EYA1: variants seen among roughly 807,000 people sequenced by gnomAD.
EYA1 encodes EYA transcriptional coactivator and phosphatase 1.
Under a neutral mutation model 82.0 loss-of-function variants are expected in EYA1, and 16 were observed. That is an observed-to-expected ratio of 0.20 (90% CI 0.13 to 0.30). The LOEUF is 0.30. Ranked by LOEUF, EYA1 falls within the 10% of genes least tolerant of loss-of-function variation. The pLI, the probability that EYA1 is intolerant of heterozygous loss-of-function variation, is 1.00. For missense variants in EYA1, 633 were observed against 730.7 expected (o/e 0.87, Z 1.54); for synonymous variants, 261 against 264.4 (o/e 0.99, Z 0.12).
At chr8:71,290,930 T>C (rs1398333735) in intron 9 of EYA1, among the ~76,000 whole-genome samples, 1 of 152,220 alleles carries the variant, frequency 6.6e-6, no homozygotes. Flanking sequence ...ATATTTGTTT[T>C]GCCGACAAAT....
chr8:71,447,161 C>CT (rs1249755537), intron 2 of EYA1, among the ~76,000 whole-genome samples: 1 of 151,668 alleles, frequency 6.6e-6, no homozygotes, highest in African/African-American at 2.4e-5. Context: ...CAATAACTCT[C>CT]TTTATCTTTT....
chr8:71,226,231 A>T (rs1160142294), intron 12 of EYA1, among the ~76,000 whole-genome samples: 3 of 152,172 alleles, frequency 2.0e-5, no homozygotes, highest in African/African-American at 7.2e-5. Context: ...ATATTTTCTT[A>T]TAATATTAAT....
At chr8:71,308,789 C>T (rs1271953523) in intron 7 of EYA1, among the ~76,000 whole-genome samples, 2 of 150,194 alleles carry the variant, frequency 1.3e-5, no homozygotes, top group Admixed American at 6.7e-5. Flanking sequence ...ACATTAAAAA[C>T]CAGAATCCCA....
chr8:71,417,844 T>C (rs1022824045), intron 2 of EYA1, among the ~76,000 whole-genome samples: 6 of 152,216 alleles, frequency 3.9e-5, no homozygotes, highest in Non-Finnish European at 8.8e-5. Context: ...ATAACTCAAA[T>C]TCCACTCTTC....
intron 2 of EYA1, among the ~76,000 whole-genome samples, chr8:71,534,500 T>G (rs1349688506): frequency 6.6e-6 from 1 of 152,222 alleles, no homozygotes; most frequent in African/African-American, 2.4e-5. Flanking sequence ...GTTATTAAAA[T>G]TCCCATCCAA....
At chr8:71,227,074 T>C (rs13265957) in intron 12 of EYA1, among the ~76,000 whole-genome samples, 52,916 of 151,918 alleles carry the variant, frequency 0.35, 9,545 homozygotes, top group Middle Eastern at 0.43. Flanking sequence ...TTTAAAATGG[T>C]ATATAACAAA....
At chr8:71,288,737 A>T (rs961341540) in intron 9 of EYA1, among the ~76,000 whole-genome samples, 3 of 152,250 alleles carry the variant, frequency 2.0e-5, no homozygotes, top group African/African-American at 7.2e-5. Context: ...AAACCAATTC[A>T]TGCTTACCTA....
At chr8:71,434,346 A>G (rs1805847189) in intron 2 of EYA1, among the ~76,000 whole-genome samples, 1 of 152,210 alleles carries the variant, frequency 6.6e-6, no homozygotes, top group African/African-American at 2.4e-5. Flanking sequence ...TTGATAGAAT[A>G]AAGTATCTCA....
intron 2 of EYA1, among the ~76,000 whole-genome samples, chr8:71,463,632 T>TCTCC (rs1563640259): frequency 1.2e-4 from 4 of 32,478 alleles, no homozygotes; most frequent in Admixed American, 7.8e-4. Flanking sequence ...TCTCTCTCTC[T>TCTCC]CCCTCCCTCC....
intron 16 of EYA1, among the ~76,000 whole-genome samples, chr8:71,214,513 A>G (rs1198679632): frequency 1.3e-5 from 2 of 152,206 alleles, no homozygotes; most frequent in East Asian, 1.9e-4. Flanking sequence ...ATGCTTCCTC[A>G]GTCATGTGCA....
chr8:71,436,580 C>T (rs956543347), intron 2 of EYA1, among the ~76,000 whole-genome samples: 7 of 152,214 alleles, frequency 4.6e-5, no homozygotes, highest in East Asian at 1.9e-4. Flanking sequence ...ACATCTGCAG[C>T]GGACTGCGCC....
chr8:71,522,592 T>A (rs1364819574), intron 2 of EYA1, among the ~76,000 whole-genome samples: 1 of 151,880 alleles, frequency 6.6e-6, no homozygotes, highest in Non-Finnish European at 1.5e-5. Flanking sequence ...ATATATGATG[T>A]ATGGAAAATT....
intron 4 of EYA1, 77 bp downstream of exon 4, chr8:71,334,020 C>A (rs771905346): frequency 2.1e-6 from 2 of 950,262 alleles, no homozygotes; most frequent in Non-Finnish European, 3.5e-6. Flanking sequence ...TATACATATA[C>A]ATACACAGGG....
At chr8:71,510,442 TA>T (rs1381579862) in intron 2 of EYA1, among the ~76,000 whole-genome samples, 1 of 152,128 alleles carries the variant, frequency 6.6e-6, no homozygotes, top group Non-Finnish European at 1.5e-5. Context: ...GGGTAATTTA[TA>T]AAGAAAAGAG....
intron 2 of EYA1, among the ~76,000 whole-genome samples, chr8:71,481,809 T>C (rs565014809): frequency 9.9e-5 from 15 of 152,160 alleles, no homozygotes; most frequent in African/African-American, 3.1e-4. Context: ...GGAATTTAAC[T>C]TCTGATGGAG....
intron 2 of EYA1, among the ~76,000 whole-genome samples, chr8:71,376,564 G>A (rs1828383173): frequency 6.6e-6 from 1 of 152,148 alleles, no homozygotes; most frequent in Non-Finnish European, 1.5e-5. Context: ...TGAAAGGAGT[G>A]TAATCTGACC....
At chr8:71,543,326 G>T (rs1456495563) in intron 1 of EYA1, among the ~76,000 whole-genome samples, 1 of 152,144 alleles carries the variant, frequency 6.6e-6, no homozygotes, top group Admixed American at 6.5e-5. Context: ...AGAGTGGCCT[G>T]AGGGAACTTT....
chr8:71,546,143 C>A (rs1478599916), intron 1 of EYA1, among the ~76,000 whole-genome samples: 5 of 152,272 alleles, frequency 3.3e-5, no homozygotes, highest in African/African-American at 1.2e-4. Context: ...CCCTTCCACC[C>A]AGAGTCCTAC....
At chr8:71,305,709 T>TG (rs1820662483) in intron 7 of EYA1, among the ~76,000 whole-genome samples, 1 of 144,924 alleles carries the variant, frequency 6.9e-6, no homozygotes, top group Non-Finnish European at 1.5e-5. Flanking sequence ...TTATTATTAT[T>TG]TTTTTTTTGA....
Sources: allele counts gnomAD v4.1 joint callset (sites outside exome capture counted in the v4.1 genomes callset), GRCh38; gene constraint gnomAD v4.1.1; transcripts MANE v1.5; gene names NCBI Gene and HGNC (gene_info 2026-07-23, HGNC 2026-07-21).